The following ZNF480 variants were observed in gnomAD, a reference collection of about 807,000 sequenced individuals.
ZNF480 encodes the protein zinc finger protein 480.
A neutral mutation model predicts 14.4 loss-of-function variants in ZNF480; 15 were observed. The ratio of observed to expected loss-of-function variants is 1.04; its 90% CI spans 0.70 to 1.60. ZNF480 has a LOEUF of 1.60. ZNF480 is among the 40% of genes most tolerant of loss of function. ZNF480 has a pLI of 0.00. For synonymous variants in ZNF480, 218 were observed against 215.5 expected (o/e 1.01, Z -0.10); for missense variants, 593 against 629.7 (o/e 0.94, Z 0.62).
chr19:52,316,000 TG>T lies in ZNF480; in HGVS notation c.328+39del, dbSNP rs779679697. 7 of 1,518,758 alleles carry T rather than the reference TG, an allele frequency of 4.6e-6. No individual in the cohort carries two copies. In the South Asian group the frequency reaches 7.9e-5, roughly 17 times the overall value. 94.1% of individuals were successfully genotyped at this position (1,518,758 alleles called of 1,614,324 possible). On this transcript the variant is annotated intron_variant, in intron 4 of 4. Transcript: ENST00000595962. Reference sequence around the variant, plus strand: ...ATGGGCATGGTGGAAGCCATGCTGTTGTTTGGGCTTTTTTTTTGTTTTGTTT... The same window carrying T: ...ATGGGCATGGTGGAAGCCATGCTGTTTTTGGGCTTTTTTTTTGTTTTGTTT...
rs934971837 is a variant in ZNF480, at chr19:52,325,712, A to C, written c.*2854A>C. The stretch of plus-strand genomic sequence containing the variant: ...GTTCTCACTTATAAGTGGGAGCTAA[A>C]CATTGATTACACATGGACTCAAAGA... On this transcript the variant is annotated 3_prime_UTR_variant, in exon 5 of 5. Coordinates refer to ENST00000595962, the MANE Select transcript of ZNF480 (RefSeq NM_144684.4). 2.0e-5 allele frequency: 3 copies of C among 152,224 alleles called. No individual in the cohort carries two copies. The East Asian group carries it at 5.8e-4, about 29-fold the overall frequency. 9.4% of individuals were successfully genotyped at this position (152,224 alleles called of 1,614,324 possible). A position where few individuals can be genotyped will look rare whatever the true frequency, so the allele number is the denominator to read the frequency against.
At chr19:52,307,139 T>C (rs1982973063) in intron 2 of ZNF480, among the ~76,000 whole-genome samples, 1 of 152,200 alleles carries the variant, frequency 6.6e-6, no homozygotes, top group Admixed American at 6.5e-5. Flanking sequence ...AGGAATATCC[T>C]CAGCGCCATC....
chr19:52,300,011 T>C (rs1982608515), intron 1 of ZNF480, among the ~76,000 whole-genome samples: 1 of 152,218 alleles, frequency 6.6e-6, no homozygotes. Context: ...CTGTCTCTGG[T>C]GCTGAGCACC....
intron 2 of ZNF480, 169 bp downstream of exon 2, chr19:52,300,653 C>A (rs1325607252): frequency 1.8e-6 from 2 of 1,106,508 alleles, no homozygotes; most frequent in African/African-American, 1.6e-5. Context: ...GGACCCTAAC[C>A]TAGTGGCACT....
chr19:52,311,918 G>T (rs1233712514), intron 2 of ZNF480, among the ~76,000 whole-genome samples: 1 of 152,098 alleles, frequency 6.6e-6, no homozygotes, highest in Non-Finnish European at 1.5e-5. Context: ...AGTGTATATG[G>T]GTCTAAGTGT....
chr19:52,322,713 G>A lies in ZNF480; in HGVS notation c.1463G>A (p.Cys488Tyr). ...GAAAGACCTTACAAATGTAATGAAT[G>A]TGGCAAGGTCTTCAATCGAATTGCA... ...TGERPYKCNE[C>Y]GKVFNRIAHL... The change falls in exon 5 of 5, where the codon TGT becomes TAT. Residue 488 changes from cysteine to tyrosine, a missense_variant. By Grantham distance (194) the Cys-to-Tyr change is radical (BLOSUM62 -2). Coordinates refer to ENST00000595962, the MANE Select transcript of ZNF480 (RefSeq NM_144684.4). The A allele has an allele frequency of 3.7e-6, 6 of 1,613,766 alleles. No homozygotes were observed. Among genetic ancestry groups the A allele is most frequent in the Non-Finnish European group, 4.2e-6 (5 of 1,179,774 alleles).
At chr19:52,306,565 C>G (rs1266246111) in intron 2 of ZNF480, among the ~76,000 whole-genome samples, 1 of 152,224 alleles carries the variant, frequency 6.6e-6, no homozygotes, top group Non-Finnish European at 1.5e-5. Context: ...GTTAGACAAG[C>G]TCAAGTAAGT....
chr19:52,322,248 A>G lies in ZNF480; in HGVS notation c.998A>G (p.His333Arg), dbSNP rs769348735. Residue 333 changes from histidine to arginine, a missense_variant, in exon 5 of 5, where the codon CAT becomes CGT. Physicochemically the swap from His to Arg is conservative, Grantham distance 29. Transcript: ENST00000595962. Reference protein sequence around the residue: ...GFSHKSSLANHWRIYTGEKPY... With the variant: ...GFSHKSSLANRWRIYTGEKPY... ...AGTCATAAGTCATCTCTAGCAAATC[A>G]TTGGAGAATTTATACTGGAGAGAAG... 1 of 1,614,024 alleles carries G rather than the reference A, an allele frequency of 6.2e-7. No homozygotes were observed. Among genetic ancestry groups the G allele is most frequent in the Non-Finnish European group, 8.5e-7 (1 of 1,180,008 alleles).
chr19:52,322,908 C>A lies in ZNF480; in HGVS notation c.*50C>A. On this transcript the variant is annotated 3_prime_UTR_variant, in exon 5 of 5. Transcript: ENST00000595962. ...CAAAGAATTTAGTGTGCACTCAAGCCTTACTACCCATCTTTTATTCCATAC... is the reference window on the plus strand; with the variant it reads ...CAAAGAATTTAGTGTGCACTCAAGCATTACTACCCATCTTTTATTCCATAC... 1.4e-6 allele frequency: 2 copies of A among 1,479,346 alleles called. No homozygotes were observed. Among genetic ancestry groups the A allele is most frequent in the South Asian group, 2.9e-5 (2 of 69,420 alleles). 91.6% of individuals were successfully genotyped at this position (1,479,346 alleles called of 1,614,324 possible). A position where few individuals can be genotyped will look rare whatever the true frequency, so the allele number is the denominator to read the frequency against.
In ZNF480 at chr19:52,315,979, G is replaced by A; in HGVS notation, c.328+17G>A. The A allele has an allele frequency of 6.3e-7, 1 of 1,579,864 alleles. No individual in the cohort carries two copies. The highest frequency in any genetic ancestry group is 1.7e-4 in the Middle Eastern group (1 of 5,908). ...TGAACACAGGTAAGAGCTCAGATGG[G>A]CATGGTGGAAGCCATGCTGTTGTTT... On this transcript the variant is annotated intron_variant, in intron 4 of 4. Coordinates refer to ENST00000595962, the MANE Select transcript of ZNF480 (RefSeq NM_144684.4).
At chr19:52,318,847 C>T (rs1600221012) in intron 4 of ZNF480, among the ~76,000 whole-genome samples, 1 of 151,888 alleles carries the variant, frequency 6.6e-6, no homozygotes, top group Admixed American at 6.6e-5. Flanking sequence ...TTTCTGGCTT[C>T]TCTATTCTTG....
intron 2 of ZNF480, 110 bp downstream of exon 2, chr19:52,300,594 T>C: frequency 6.4e-7 from 1 of 1,569,050 alleles, no homozygotes; most frequent in East Asian, 2.2e-5. Context: ...ACAGGTTTGC[T>C]CACGCTTACC....
rs201507498 is a variant in ZNF480 at position 52,321,724 on chromosome 19, C to G, written c.474C>G (p.Ile158Met). 1.7e-4 allele frequency: 271 copies of G among 1,613,934 alleles called. 1 individual carries two copies. Among genetic ancestry groups the G allele is most frequent in the Non-Finnish European group, 8.6e-5 (101 of 1,179,978 alleles). ...INGCNQVENF[I>M]NHSSSVSCLQ... ...GATGTAATCAAGTTGAAAACTTTAT[C>G]AACCACAGTTCCTCTGTTTCCTGTC... The change falls in exon 5 of 5, where the codon ATC (isoleucine) becomes ATG (methionine). Residue 158 changes from isoleucine to methionine, a missense_variant. Coordinates refer to ENST00000595962, the MANE Select transcript of ZNF480 (RefSeq NM_144684.4).
intron 2 of ZNF480, among the ~76,000 whole-genome samples, chr19:52,306,972 C>T (rs1314973973): frequency 6.6e-6 from 1 of 151,520 alleles, no homozygotes; most frequent in African/African-American, 2.4e-5. Flanking sequence ...ACAAACCTCT[C>T]CCTCCTTTGC....
intron 2 of ZNF480, among the ~76,000 whole-genome samples, chr19:52,306,906 G>A (rs968093665): frequency 6.6e-5 from 10 of 152,150 alleles, no homozygotes; most frequent in African/African-American, 2.4e-4. Context: ...AGAAAGACCT[G>A]GAGGGTGAGG....
chr19:52,322,343 C>G lies in ZNF480; in HGVS notation c.1093C>G (p.His365Asp). The G allele has an allele frequency of 1.9e-6, 3 of 1,613,726 alleles. No homozygotes were observed. The highest frequency in any genetic ancestry group is 2.5e-6 in the Non-Finnish European group (3 of 1,179,974). ...GCTCCTTGTACGACATCAGAAAATT[C>G]ATACTGGAGAGAAACCTTACAAATG... ...IALLVRHQKI[H>D]TGEKPYKCNE... Residue 365 changes from histidine (H) to aspartate (D), a missense_variant, in exon 5 of 5, where the codon CAT becomes GAT. Transcript: ENST00000595962.
rs1982567216 is a variant in ZNF480 at position 52,299,245 on chromosome 19, C to T, written c.-19-1149C>T. Reference sequence around the variant, plus strand: ...GTGTTTTTCCTACTCTTGCAGTCAACACAATAGTGAACACTCAACACAGAA... The same window carrying T: ...GTGTTTTTCCTACTCTTGCAGTCAATACAATAGTGAACACTCAACACAGAA... On this transcript the variant is annotated intron_variant, in intron 1 of 4. Coordinates refer to ENST00000595962, the MANE Select transcript of ZNF480 (RefSeq NM_144684.4). 2.0e-5 allele frequency among the ~76,000 whole-genome samples: 3 copies of T among 152,180 alleles called. No individual in the cohort carries two copies. The South Asian group carries it at 6.2e-4, about 32-fold the overall frequency.
At position 52,300,439 on chromosome 19, in the gene ZNF480, G is replaced by A. The variant is rs373800971; in HGVS notation, c.27G>A (p.Lys9=). MLCDEKAQ[K]RRKRKAKESG... Reference sequence around the variant, plus strand: ...TGCTGTGTGATGAAAAAGCCCAGAAGAGAAGGAAGAGGAAAGCAAAGGAGT... The same window carrying A: ...TGCTGTGTGATGAAAAAGCCCAGAAAAGAAGGAAGAGGAAAGCAAAGGAGT... Residue 9 remains lysine, a synonymous_variant, in exon 2 of 5, where the codon AAG becomes AAA. Transcript: ENST00000595962. The A allele has an allele frequency of 6.2e-7, 1 of 1,613,552 alleles. No individual in the cohort carries two copies. Among genetic ancestry groups the A allele is most frequent in the South Asian group, 1.1e-5 (1 of 91,072 alleles).
At chr19:52,310,875 G>A (rs1983243793) in intron 2 of ZNF480, among the ~76,000 whole-genome samples, 1 of 151,292 alleles carries the variant, frequency 6.6e-6, no homozygotes, top group Admixed American at 6.6e-5. Context: ...CATGGTGGCG[G>A]GCACCTGTAG....
Sources: gnomAD v4.1 joint callset for allele counts (sites outside exome capture counted in the v4.1 genomes callset) on GRCh38, gnomAD v4.1.1 for gene constraint, MANE v1.5 for transcripts, NCBI Gene and HGNC (gene_info 2026-07-23, HGNC 2026-07-21) for gene names.